Variants in ENTREP1 observed in about 807,000 individuals in gnomAD.
ENTREP1 encodes the protein Friedreich ataxia region gene X123.
At chr9:69,378,026 G>C in the ENTREP1 span, among the ~76,000 whole-genome samples, 74 of 146,446 alleles carry the variant, frequency 5.1e-4, no homozygotes, top group Admixed American at 1.5e-3. Context: ...CTCTCTCTCT[G>C]TTTTCTGTCT....
the ENTREP1 span, chr9:69,391,873 G>A: frequency 6.9e-7 from 1 of 1,439,048 alleles, no homozygotes. Context: ...TTGGCTGGGA[G>A]CTGTGGTCCA....
At chr9:69,340,228 G>T in the ENTREP1 span, among the ~76,000 whole-genome samples, 3 of 152,182 alleles carry the variant, frequency 2.0e-5, no homozygotes, top group African/African-American at 7.2e-5. Context: ...GGAGGGGAAG[G>T]ATGCTCTTTT....
At chr9:69,336,067 A>T in the ENTREP1 span, 1 of 487,556 alleles carries the variant, frequency 2.1e-6, no homozygotes, top group East Asian at 3.4e-5. Flanking sequence ...TACCAGAGTG[A>T]ACCCTGTAAT....
chr9:69,354,686 T>C, the ENTREP1 span, among the ~76,000 whole-genome samples: 1 of 152,218 alleles, frequency 6.6e-6, no homozygotes, highest in African/African-American at 2.4e-5. Flanking sequence ...ATCTAGAGGC[T>C]TGATCTGATT....
chr9:69,329,601 C>G, the ENTREP1 span: 1 of 985,148 alleles, frequency 1.0e-6, no homozygotes, highest in Non-Finnish European at 1.2e-6. Flanking sequence ...TGATTTCTTC[C>G]TGGTATCACC....
the ENTREP1 span, chr9:69,325,615 GC>G: frequency 4.9e-6 from 6 of 1,230,366 alleles, no homozygotes; most frequent in African/African-American, 7.8e-5. Flanking sequence ...CACTTGGGCT[GC>G]TTCAGCTGAT....
chr9:69,339,698 A>C, the ENTREP1 span, among the ~76,000 whole-genome samples: 120,975 of 152,138 alleles, frequency 0.8, 48,227 homozygotes, highest in South Asian at 0.87. Flanking sequence ...GGCTGATTAG[A>C]GTTCTGTCCC....
chr9:69,390,473 A>G, the ENTREP1 span, among the ~76,000 whole-genome samples: 1 of 152,214 alleles, frequency 6.6e-6, no homozygotes, highest in African/African-American at 2.4e-5. Flanking sequence ...ATTTTTACAG[A>G]GTAAGTGATA....
chr9:69,374,722 CAA>C, the ENTREP1 span, among the ~76,000 whole-genome samples: 1 of 152,048 alleles, frequency 6.6e-6, no homozygotes, highest in African/African-American at 2.4e-5. Flanking sequence ...AGGGGGAAGA[CAA>C]AGATCTGACC....
the ENTREP1 span, chr9:69,377,771 C>CT: frequency 2.5e-6 from 4 of 1,595,072 alleles, no homozygotes; most frequent in African/African-American, 5.4e-5. Context: ...CCCCTGCAGT[C>CT]TGAGTGGGAT....
chr9:69,334,284 G>A, the ENTREP1 span, among the ~76,000 whole-genome samples: 1 of 152,218 alleles, frequency 6.6e-6, no homozygotes, highest in Non-Finnish European at 1.5e-5. Context: ...AGTGCCTGGT[G>A]GGCAGGCAGC....
the ENTREP1 span, chr9:69,377,241 C>T: frequency 2.5e-5 from 17 of 690,044 alleles, no homozygotes; most frequent in Non-Finnish European, 4.2e-5. Context: ...CATCTAAGTC[C>T]TTTACATGCA....
At chr9:69,383,410 A>G in the ENTREP1 span, 4 of 1,371,962 alleles carry the variant, frequency 2.9e-6, no homozygotes, top group South Asian at 4.8e-5. Flanking sequence ...AAAAGCAATG[A>G]TGGGGTTGCA....
the ENTREP1 span, chr9:69,388,049 A>C: frequency 6.3e-7 from 1 of 1,597,812 alleles, no homozygotes; most frequent in Non-Finnish European, 8.5e-7. Context: ...GGCTATCAGC[A>C]TTTGTCAGAT....
chr9:69,339,683 G>T, the ENTREP1 span, among the ~76,000 whole-genome samples: 2 of 152,168 alleles, frequency 1.3e-5, no homozygotes, highest in Non-Finnish European at 2.9e-5. Context: ...TGCAGGCCTG[G>T]GCTTGGCTGA....
At chr9:69,367,823 AAAT>A in the ENTREP1 span, among the ~76,000 whole-genome samples, 16 of 118,524 alleles carry the variant, frequency 1.3e-4, no homozygotes, top group East Asian at 2.3e-4. Flanking sequence ...ACATATATAT[AAAT>A]ATATATATAC....
At chr9:69,353,485 C>T in the ENTREP1 span, among the ~76,000 whole-genome samples, 651 of 152,284 alleles carry the variant, frequency 4.3e-3, 6 homozygotes, top group African/African-American at 0.014. Context: ...CCCCTATATG[C>T]TGTAGGAAGC....
At chr9:69,342,024 C>T in the ENTREP1 span, among the ~76,000 whole-genome samples, 3 of 151,942 alleles carry the variant, frequency 2.0e-5, no homozygotes, top group African/African-American at 4.8e-5. Flanking sequence ...TTAGTTACCT[C>T]GATGGTGTTT....
chr9:69,343,983 G>T, the ENTREP1 span, among the ~76,000 whole-genome samples: 1 of 152,176 alleles, frequency 6.6e-6, no homozygotes, highest in African/African-American at 2.4e-5. Flanking sequence ...ACTATTTTGT[G>T]ATTTAAAAGT....
Sources: gnomAD v4.1 joint callset for allele counts (sites outside exome capture counted in the v4.1 genomes callset) on GRCh38, gnomAD v4.1.1 for gene constraint, MANE v1.5 for transcripts, NCBI Gene and HGNC (gene_info 2026-07-23, HGNC 2026-07-21) for gene names.